The following PDE4B variants were observed in gnomAD, a reference collection of about 807,000 sequenced individuals.
PDE4B encodes the protein 3',5'-cyclic-AMP phosphodiesterase 4B.
Under a neutral mutation model 82.2 loss-of-function variants are expected in PDE4B, and 20 were observed. That is an observed-to-expected ratio of 0.24 (90% CI 0.17 to 0.35). The LOEUF is 0.35. PDE4B is among the 10% of genes least tolerant of loss of function. The probability of loss-of-function intolerance (pLI) is 1.00; values close to 1 mark genes in which losing one functional copy is unlikely to be tolerated. For synonymous variants in PDE4B, 320 were observed against 318.9 expected, an observed-to-expected ratio of 1.00 and a Z score of -0.04; for missense variants, 655 against 907.2, an observed-to-expected ratio of 0.72 and a Z score of 3.57.
intron 1 of PDE4B, among the ~76,000 whole-genome samples, chr1:65,872,227 G>C (rs1272804307): frequency 6.6e-6 from 1 of 152,098 alleles, no homozygotes; most frequent in Non-Finnish European, 1.5e-5. Flanking sequence ...AAATTACTTA[G>C]ATTTTTTCCT....
At chr1:65,812,353 G>T (rs1570961632) in intron 1 of PDE4B, among the ~76,000 whole-genome samples, 2 of 152,114 alleles carry the variant, frequency 1.3e-5, no homozygotes, top group South Asian at 4.1e-4. Context: ...CCTTCTTAGG[G>T]TATGGCCCTC....
intron 3 of PDE4B, among the ~76,000 whole-genome samples, chr1:65,969,330 G>T (rs528128796): frequency 4.6e-5 from 7 of 152,146 alleles, no homozygotes; most frequent in South Asian, 4.1e-4. Flanking sequence ...GTTATATCCA[G>T]TTATAAATCA....
intron 3 of PDE4B, among the ~76,000 whole-genome samples, chr1:66,103,492 C>T (rs1407064153): frequency 6.6e-6 from 1 of 151,892 alleles, no homozygotes; most frequent in East Asian, 1.9e-4. Flanking sequence ...GAATATTCTC[C>T]CATACATATT....
At chr1:65,956,811 G>C (rs1649286372) in intron 3 of PDE4B, among the ~76,000 whole-genome samples, 1 of 152,050 alleles carries the variant, frequency 6.6e-6, no homozygotes, top group Admixed American at 6.6e-5. Context: ...GGTATGCTCA[G>C]CTTGAACTTT....
chr1:66,069,792 A>T, intron 3 of PDE4B, among the ~76,000 whole-genome samples: 1 of 151,764 alleles, frequency 6.6e-6, no homozygotes, highest in East Asian at 1.9e-4. Context: ...GGAAATGAAA[A>T]CTCTGTAAAT....
At chr1:66,034,424 T>C (rs537662751) in intron 3 of PDE4B, among the ~76,000 whole-genome samples, 61 of 152,362 alleles carry the variant, frequency 4.0e-4, no homozygotes, top group African/African-American at 1.4e-3. Flanking sequence ...TAAGCTGTTA[T>C]TTTAATGTTA....
At chr1:65,899,536 G>T (rs965603411) in intron 1 of PDE4B, among the ~76,000 whole-genome samples, 2 of 151,090 alleles carry the variant, frequency 1.3e-5, no homozygotes, top group African/African-American at 2.4e-5. Flanking sequence ...GTTTATAGCT[G>T]CACAATTCGC....
chr1:66,322,437 C>T (rs4655606), intron 7 of PDE4B, among the ~76,000 whole-genome samples: 57,491 of 151,892 alleles, frequency 0.38, 12,953 homozygotes, highest in East Asian at 0.81. Context: ...GGCTAATATC[C>T]GGAATCTACA....
At chr1:66,227,210 A>G (rs1189082051) in intron 3 of PDE4B, among the ~76,000 whole-genome samples, 2 of 152,222 alleles carry the variant, frequency 1.3e-5, no homozygotes, top group Non-Finnish European at 2.9e-5. Flanking sequence ...CACTGGATAT[A>G]TGAGTCACTG....
intron 3 of PDE4B, among the ~76,000 whole-genome samples, chr1:65,935,230 G>A (rs1367721908): frequency 6.6e-6 from 1 of 152,044 alleles, no homozygotes; most frequent in African/African-American, 2.4e-5. Flanking sequence ...TCACAAATAT[G>A]TGGAAATTAA....
At chr1:66,159,553 T>G (rs1358026548) in intron 3 of PDE4B, among the ~76,000 whole-genome samples, 1 of 152,138 alleles carries the variant, frequency 6.6e-6, no homozygotes, top group Non-Finnish European at 1.5e-5. Flanking sequence ...AATAAAACTT[T>G]TTTAAAAAGG....
At chr1:66,371,110 A>AC (rs1467857091) in intron 16 of PDE4B, among the ~76,000 whole-genome samples, 1 of 122,598 alleles carries the variant, frequency 8.2e-6, no homozygotes, top group African/African-American at 3.6e-5. Flanking sequence ...ATATATATAT[A>AC]TATATATATA....
At chr1:65,831,512 A>G (rs1646081499) in intron 1 of PDE4B, among the ~76,000 whole-genome samples, 2 of 152,310 alleles carry the variant, frequency 1.3e-5, no homozygotes, top group South Asian at 2.1e-4. Flanking sequence ...ATGGCTATTA[A>G]GTAAATTGAA....
intron 1 of PDE4B, among the ~76,000 whole-genome samples, chr1:65,797,343 C>T (rs528892503): frequency 6.6e-6 from 1 of 152,272 alleles, no homozygotes; most frequent in South Asian, 2.1e-4. Flanking sequence ...ATTGTCTTTT[C>T]TCATTCAAGT....
At chr1:66,369,921 A>C (rs1663552211) in intron 16 of PDE4B, among the ~76,000 whole-genome samples, 1 of 151,910 alleles carries the variant, frequency 6.6e-6, no homozygotes, top group South Asian at 2.1e-4. Flanking sequence ...GCTGAGGTGG[A>C]CGGATCACCT....
At chr1:65,835,995 G>T (rs1197857020) in intron 1 of PDE4B, among the ~76,000 whole-genome samples, 1 of 151,784 alleles carries the variant, frequency 6.6e-6, no homozygotes, top group Non-Finnish European at 1.5e-5. Context: ...AGGCTGGAGT[G>T]CAATGGAATG....
intron 3 of PDE4B, among the ~76,000 whole-genome samples, chr1:66,097,151 C>T (rs955788155): frequency 5.3e-5 from 8 of 152,072 alleles, no homozygotes; most frequent in East Asian, 1.9e-4. Flanking sequence ...AATAAGTATA[C>T]GTTCAACTTT....
At chr1:66,277,023 T>C (rs1570608110) in intron 7 of PDE4B, among the ~76,000 whole-genome samples, 1 of 152,362 alleles carries the variant, frequency 6.6e-6, no homozygotes, top group East Asian at 1.9e-4. Flanking sequence ...TCATTATCAT[T>C]AGTCTAGTGT....
At chr1:66,260,781 T>C (rs1009355442) in intron 6 of PDE4B, among the ~76,000 whole-genome samples, 2 of 152,138 alleles carry the variant, frequency 1.3e-5, no homozygotes, top group Non-Finnish European at 2.9e-5. Flanking sequence ...TTGGTCCTTG[T>C]GAACTTTTAG....
Sources: gnomAD v4.1 joint callset for allele counts (sites outside exome capture counted in the v4.1 genomes callset) on GRCh38, gnomAD v4.1.1 for gene constraint, MANE v1.5 for transcripts, NCBI Gene and HGNC (gene_info 2026-07-23, HGNC 2026-07-21) for gene names.